The following GLIS3 variants were observed in gnomAD, a reference collection of about 807,000 sequenced individuals.
GLIS3 encodes GLIS family zinc finger 3.
GLIS3 carries 53 observed loss-of-function variants against 78.6 expected under a neutral mutation model. The observed-to-expected ratio is 0.67, with a 90% confidence interval of 0.54 to 0.85. The LOEUF (loss-of-function observed/expected upper bound fraction) is 0.85. GLIS3 is among the 40% of genes least tolerant of loss of function. The pLI is 0.00. For missense variants in GLIS3, 1,703 were observed against 1,231.1 expected, an observed-to-expected ratio of 1.38 and a Z score of -5.74; for synonymous variants, 684 against 509.9, an observed-to-expected ratio of 1.34 and a Z score of -4.60.
chr9:4,397,207 A>C, the GLIS3 span, among the ~76,000 whole-genome samples: 3 of 140,866 alleles, frequency 2.1e-5, no homozygotes, highest in African/African-American at 5.6e-5. Flanking sequence ...TTGTATTTTT[A>C]GTAGAGACGG....
At chr9:3,953,789 CTCTCTCTATATATATA>C (rs1333301939) in intron 4 of GLIS3, among the ~76,000 whole-genome samples, 12 of 45,522 alleles carry the variant, frequency 2.6e-4, no homozygotes, top group African/African-American at 9.3e-4. Context: ...CTCTCTCTCT[CTCTCTCTATATATATA>C]TATATATATA....
At chr9:4,030,126 G>C (rs865802515) in intron 4 of GLIS3, among the ~76,000 whole-genome samples, 1 of 152,048 alleles carries the variant, frequency 6.6e-6, no homozygotes, top group Non-Finnish European at 1.5e-5. Context: ...CTGTCTTTTG[G>C]ATATAAGCCA....
At chr9:4,216,830 G>A (rs1820896160) in intron 2 of GLIS3, among the ~76,000 whole-genome samples, 1 of 152,156 alleles carries the variant, frequency 6.6e-6, no homozygotes, top group Admixed American at 6.5e-5. Flanking sequence ...ATAACAAACA[G>A]AGATGAAGCA....
intron 7 of GLIS3, among the ~76,000 whole-genome samples, chr9:3,890,168 C>G (rs1340397282): frequency 6.6e-6 from 1 of 152,156 alleles, no homozygotes; most frequent in Admixed American, 6.5e-5. Flanking sequence ...TTCCACCTGC[C>G]TCACTCTCAC....
At chr9:4,117,156 A>G (rs1390369970) in intron 4 of GLIS3, among the ~76,000 whole-genome samples, 1 of 152,102 alleles carries the variant, frequency 6.6e-6, no homozygotes, top group Non-Finnish European at 1.5e-5. Flanking sequence ...ACCTCTTAAA[A>G]TTAGTTAGGA....
At chr9:3,998,057 TA>T (rs1820866041) in intron 4 of GLIS3, among the ~76,000 whole-genome samples, 1 of 152,214 alleles carries the variant, frequency 6.6e-6, no homozygotes, top group Non-Finnish European at 1.5e-5. Flanking sequence ...TTTTGGTGCT[TA>T]AATTGCCTTA....
chr9:3,837,913 A>T (rs1307813195), intron 9 of GLIS3, among the ~76,000 whole-genome samples: 1 of 142,226 alleles, frequency 7.0e-6, no homozygotes, highest in Non-Finnish European at 1.5e-5. Flanking sequence ...AGTGAAACTG[A>T]TGTGTCATTG....
chr9:3,894,208 T>C (rs1822661232), intron 7 of GLIS3, among the ~76,000 whole-genome samples: 1 of 152,230 alleles, frequency 6.6e-6, no homozygotes, highest in African/African-American at 2.4e-5. Flanking sequence ...ATGCAAGTAA[T>C]AACTATGCAT....
chr9:4,162,890 C>T (rs951555351), intron 2 of GLIS3, among the ~76,000 whole-genome samples: 4 of 148,092 alleles, frequency 2.7e-5, no homozygotes, highest in African/African-American at 9.9e-5. Context: ...AATCAATCGC[C>T]AACAGATCCA....
chr9:4,204,294 C>G (rs1350092146), intron 2 of GLIS3, among the ~76,000 whole-genome samples: 1 of 152,098 alleles, frequency 6.6e-6, no homozygotes, highest in Non-Finnish European at 1.5e-5. Flanking sequence ...ACACACACAT[C>G]CCAATGCCTT....
At chr9:3,936,307 T>C (rs916553583) in intron 5 of GLIS3, among the ~76,000 whole-genome samples, 7 of 152,058 alleles carry the variant, frequency 4.6e-5, no homozygotes, top group African/African-American at 1.7e-4. Context: ...TCAACATAAT[T>C]GAGAAAATAA....
chr9:4,436,672 G>A, the GLIS3 span, among the ~76,000 whole-genome samples: 80 of 152,074 alleles, frequency 5.3e-4, no homozygotes, highest in Admixed American at 3.1e-3. Flanking sequence ...TGGGCATGGT[G>A]GCGGGCACCT....
At chr9:4,360,424 T>A in the GLIS3 span, among the ~76,000 whole-genome samples, 1 of 152,202 alleles carries the variant, frequency 6.6e-6, no homozygotes, top group Non-Finnish European at 1.5e-5. Flanking sequence ...CAGATGTGAC[T>A]GATGGCCAGT....
At chr9:3,865,311 T>C (rs1588115052) in intron 8 of GLIS3, among the ~76,000 whole-genome samples, 4 of 152,310 alleles carry the variant, frequency 2.6e-5, no homozygotes, top group Admixed American at 6.5e-5. Context: ...CAGCTAAGTC[T>C]CCTGACTGTC....
intron 1 of GLIS3, among the ~76,000 whole-genome samples, chr9:4,290,036 T>C (rs961963306): frequency 1.3e-5 from 2 of 152,072 alleles, no homozygotes; most frequent in African/African-American, 4.8e-5. Flanking sequence ...GATTAAAAGA[T>C]TAAACAAACG....
chr9:3,906,757 C>A (rs1195324840), intron 6 of GLIS3, among the ~76,000 whole-genome samples: 1 of 152,138 alleles, frequency 6.6e-6, no homozygotes, highest in Non-Finnish European at 1.5e-5. Context: ...ACTCAAGGTA[C>A]AAATATCTTC....
intron 2 of GLIS3, among the ~76,000 whole-genome samples, chr9:4,245,589 G>A (rs1328254545): frequency 6.6e-6 from 1 of 152,154 alleles, no homozygotes; most frequent in African/African-American, 2.4e-5. Flanking sequence ...AAATGAGTGA[G>A]TAAAGAACAA....
chr9:4,183,670 A>G (rs776564664), intron 2 of GLIS3, among the ~76,000 whole-genome samples: 8 of 152,194 alleles, frequency 5.3e-5, no homozygotes, highest in Non-Finnish European at 2.9e-5. Context: ...CTTCAACTTA[A>G]TATGTTAAGT....
the GLIS3 span, among the ~76,000 whole-genome samples, chr9:4,487,120 C>A: frequency 6.6e-6 from 1 of 152,168 alleles, no homozygotes; most frequent in Non-Finnish European, 1.5e-5. Flanking sequence ...CTGCCTCAGC[C>A]TCTCGAGTAG....
Sources: gnomAD v4.1 joint callset for allele counts (sites outside exome capture counted in the v4.1 genomes callset) on GRCh38, gnomAD v4.1.1 for gene constraint, MANE v1.5 for transcripts, NCBI Gene and HGNC (gene_info 2026-07-23, HGNC 2026-07-21) for gene names.